The following SDHAF3 variants were observed in gnomAD, a reference collection of about 807,000 sequenced individuals.
The protein encoded by SDHAF3 is succinate dehydrogenase assembly factor 3, mitochondrial.
In SDHAF3, 18 loss-of-function variants were observed where a neutral mutation model predicts 11.5. The ratio of observed to expected loss-of-function variants is 1.56; its 90% CI spans 1.08 to 2.32. SDHAF3 has a LOEUF of 2.32. SDHAF3 is among the 30% of genes most tolerant of loss of function. SDHAF3 has a pLI of 0.00. For synonymous variants in SDHAF3, 72 were observed against 59.3 expected (o/e 1.21, Z -0.99); for missense variants, 200 against 154.4 (o/e 1.30, Z -1.57).
At chr7:97,170,659 CT>C (rs572336938) in intron 1 of SDHAF3, among the ~76,000 whole-genome samples, 3 of 151,886 alleles carry the variant, frequency 2.0e-5, no homozygotes, top group Non-Finnish European at 2.9e-5. Context: ...TACGTTCTTG[CT>C]TTTTTTTCTT....
At chr7:97,123,455 T>C (rs959608871) in intron 1 of SDHAF3, among the ~76,000 whole-genome samples, 2 of 152,212 alleles carry the variant, frequency 1.3e-5, no homozygotes, top group Admixed American at 1.3e-4. Context: ...GCAGTAAACA[T>C]ACATGTGCAT....
chr7:97,117,947 G>A, intron 1 of SDHAF3, 50 bp downstream of exon 1: 1 of 1,593,222 alleles, frequency 6.3e-7, no homozygotes, highest in Non-Finnish European at 8.6e-7. Context: ...GTTCCTCGGT[G>A]TCCAGGTTTC....
rs181056433 is a variant in SDHAF3 at position 97,173,988 on chromosome 7, C to T, written c.175-7024C>T. Among the ~76,000 whole-genome samples, 484 of 151,876 alleles carry T rather than the reference C, an allele frequency of 3.2e-3. 1 individual carries two copies. Among genetic ancestry groups the T allele is most frequent in the African/African-American group, 0.011 (462 of 41,396 alleles). On this transcript the variant is annotated intron_variant, in intron 1 of 1. Coordinates refer to ENST00000432641, the MANE Select transcript of SDHAF3 (RefSeq NM_020186.3). ...AGGCTGGAGTGCAGTGGCACAATCT[C>T]GGCTCACTGCAACCTCCGACTCCTG...
chr7:97,120,668 T>G (rs1791478020), intron 1 of SDHAF3, among the ~76,000 whole-genome samples: 1 of 152,200 alleles, frequency 6.6e-6, no homozygotes, highest in Non-Finnish European at 1.5e-5. Flanking sequence ...GTAACTGTTG[T>G]GGACTTCTAA....
At chr7:97,167,741 TGG>T (rs1403517980) in intron 1 of SDHAF3, among the ~76,000 whole-genome samples, 1 of 151,838 alleles carries the variant, frequency 6.6e-6, no homozygotes. Flanking sequence ...TTGCACTGGG[TGG>T]GGGGCCCACA....
chr7:97,157,604 G>A (rs934531768), intron 1 of SDHAF3, among the ~76,000 whole-genome samples: 1 of 152,112 alleles, frequency 6.6e-6, no homozygotes, highest in African/African-American at 2.4e-5. Context: ...TGACCCAGCA[G>A]TCCCATTACT....
At position 97,177,697 on chromosome 7, in the gene SDHAF3, C is replaced by CTTCCT. The variant is rs996603292; in HGVS notation, c.175-3312_175-3311insCTTTC. 2.6e-4 allele frequency among the ~76,000 whole-genome samples: 39 copies of CTTCCT among 152,252 alleles called. 1 individual carries two copies. Among genetic ancestry groups the CTTCCT allele is most frequent in the African/African-American group, 8.4e-4 (35 of 41,538 alleles). On this transcript the variant is annotated intron_variant, in intron 1 of 1. Coordinates refer to ENST00000432641, the MANE Select transcript of SDHAF3 (RefSeq NM_020186.3). ...TTGCTGTATTTTCAAGTTCATGAAT[C>CTTCCT]TTCATCTCCAGTCTACTATTAAGTG...
intron 1 of SDHAF3, among the ~76,000 whole-genome samples, chr7:97,126,792 C>T (rs1360499332): frequency 6.7e-6 from 1 of 149,836 alleles, no homozygotes; most frequent in Non-Finnish European, 1.5e-5. Context: ...GCTCCCTTTC[C>T]AGGCAAGTGA....
chr7:97,132,375 G>A lies in SDHAF3; in HGVS notation c.174+14478G>A, dbSNP rs557182267. 2.6e-4 allele frequency among the ~76,000 whole-genome samples: 40 copies of A among 151,756 alleles called. 1 individual carries two copies. Among genetic ancestry groups the A allele is most frequent in the African/African-American group, 8.7e-4 (36 of 41,376 alleles). On this transcript the variant is annotated intron_variant, in intron 1 of 1. Coordinates refer to ENST00000432641, the MANE Select transcript of SDHAF3 (RefSeq NM_020186.3). ...ACGTGTAGATTCAAAATGTATCTAA[G>A]TATTTCTTTTTTACGTAACCGTTAG...
At chr7:97,162,249 T>C (rs1036467977) in intron 1 of SDHAF3, among the ~76,000 whole-genome samples, 3 of 152,202 alleles carry the variant, frequency 2.0e-5, no homozygotes, top group African/African-American at 7.2e-5. Context: ...TGTGTGTTCA[T>C]ATCCTTTGCC....
chr7:97,134,095 C>A (rs1159860889), intron 1 of SDHAF3, among the ~76,000 whole-genome samples: 2 of 152,172 alleles, frequency 1.3e-5, no homozygotes, highest in Non-Finnish European at 2.9e-5. Context: ...CTGACTCCCT[C>A]CCCCCTTTCC....
At chr7:97,147,771 C>T (rs1312919556) in intron 1 of SDHAF3, among the ~76,000 whole-genome samples, 2 of 152,176 alleles carry the variant, frequency 1.3e-5, no homozygotes, top group East Asian at 1.9e-4. Context: ...ATTGTGTACG[C>T]ACCACCAATT....
intron 1 of SDHAF3, among the ~76,000 whole-genome samples, chr7:97,123,347 A>G (rs1791528784): frequency 6.6e-6 from 1 of 152,176 alleles, no homozygotes; most frequent in Non-Finnish European, 1.5e-5. Context: ...ATGGCTGCAT[A>G]GTATTCCATG....
chr7:97,135,680 A>ATTTTT (rs1791752195), intron 1 of SDHAF3: 1 of 85,804 alleles, frequency 1.2e-5, no homozygotes, highest in African/African-American at 5.0e-5. Flanking sequence ...ATATATATAT[A>ATTTTT]TATTTTTTTT....
At chr7:97,151,152 T>C (rs1037312133) in intron 1 of SDHAF3, among the ~76,000 whole-genome samples, 3 of 152,092 alleles carry the variant, frequency 2.0e-5, no homozygotes, top group South Asian at 4.1e-4. Context: ...ACGGGAACTT[T>C]TACTGCACAC....
At chr7:97,138,071 G>A (rs529680292) in intron 1 of SDHAF3, among the ~76,000 whole-genome samples, 7 of 151,514 alleles carry the variant, frequency 4.6e-5, no homozygotes, top group African/African-American at 1.7e-4. Flanking sequence ...CACCGCGTTG[G>A]CTAGTCTCGA....
Position 97,181,173 on chromosome 7 carries a change from T to G in SDHAF3, c.336T>G (p.Asn112Lys), listed in dbSNP as rs10266441. The change falls in exon 2 of 2, where the codon AAT becomes AAG. Residue 112 changes from asparagine to lysine, a missense_variant. Physicochemically the swap from Asn to Lys is moderately conservative, Grantham distance 94. Coordinates refer to ENST00000432641, the MANE Select transcript of SDHAF3 (RefSeq NM_020186.3). The stretch of plus-strand genomic sequence containing the variant: ...TGATGCAAGAAGCCACAAAACCCAA[T>G]AGGCAATTTAGTATTTCTGAGTCTA... ...QELMQEATKP[N>K]RQFSISESMK... 2.7e-5 allele frequency: 43 copies of G among 1,613,784 alleles called. No individual in the cohort carries two copies. The Admixed American group carries it at 3.5e-4, about 13-fold the overall frequency.
At chr7:97,165,357 C>CTTTTTTCTT (rs1789485199) in intron 1 of SDHAF3, among the ~76,000 whole-genome samples, 1 of 77,022 alleles carries the variant, frequency 1.3e-5, no homozygotes, top group East Asian at 4.3e-4. Context: ...ATTTTCCTAC[C>CTTTTTTCTT]TTTTTTTTTT....
chr7:97,147,579 A>G (rs180840841), intron 1 of SDHAF3, among the ~76,000 whole-genome samples: 22 of 152,344 alleles, frequency 1.4e-4, no homozygotes, highest in African/African-American at 5.3e-4. Context: ...AATCTATATG[A>G]TAGGCAGCCC....
Sources: allele counts gnomAD v4.1 joint callset (sites outside exome capture counted in the v4.1 genomes callset), GRCh38; gene constraint gnomAD v4.1.1; transcripts MANE v1.5; gene names NCBI Gene and HGNC (gene_info 2026-07-23, HGNC 2026-07-21).